Variants in FBXO32 observed in about 807,000 individuals in gnomAD.
FBXO32 encodes F-box only protein 32.
Under a neutral mutation model 48.3 loss-of-function variants are expected in FBXO32, and 15 were observed. That is an observed-to-expected ratio of 0.31 (90% CI 0.21 to 0.48). The LOEUF is 0.48. FBXO32 is among the 20% of genes least tolerant of loss of function. The probability of loss-of-function intolerance (pLI) is 0.99; values close to 1 mark genes in which losing one functional copy is unlikely to be tolerated. For missense variants in FBXO32, 309 were observed against 432.7 expected (o/e 0.71, Z 2.54); for synonymous variants, 154 against 165.9 (o/e 0.93, Z 0.55).
intron 4 of FBXO32, among the ~76,000 whole-genome samples, chr8:123,527,409 C>T (rs534321896): frequency 2.6e-5 from 4 of 152,288 alleles, no homozygotes; most frequent in African/African-American, 9.6e-5. Context: ...CAGTTTTTAT[C>T]TTAATTCCAT....
intron 4 of FBXO32, among the ~76,000 whole-genome samples, chr8:123,528,671 G>A (rs941548290): frequency 1.3e-5 from 2 of 152,080 alleles, no homozygotes; most frequent in African/African-American, 2.4e-5. Context: ...CTAAACATTC[G>A]TGAAATTTTC....
rs376124621 is a variant in FBXO32 at position 123,506,356 on chromosome 8, G to A, written c.834+36C>T. On this transcript the variant is annotated intron_variant, in intron 7 of 8. Transcript: ENST00000517956. The surrounding 1 kb of genome is among the most constrained non-coding windows in gnomAD (Gnocchi z 4.0). ...GAAGTTTGGGGTGAGGGCCAGAGAA[G>A]GAGGGTGGGAGGAAAGCCCACTGGG... is the stretch of plus-strand genomic sequence containing the variant. 7.6e-5 allele frequency: 122 copies of A among 1,607,172 alleles called. No individual in the cohort carries two copies. Among genetic ancestry groups the A allele is most frequent in the Non-Finnish European group, 9.9e-5 (116 of 1,177,184 alleles).
chr8:123,504,774 T>C lies in FBXO32; in HGVS notation c.835-27A>G, dbSNP rs750699693. On this transcript the variant is annotated intron_variant, in intron 7 of 8. Transcript: ENST00000517956. ...TAAAAAATCAAATGAATAAAGGAAA[T>C]GACAGGAGAGTTTGTCAAGAAGATG... 3.7e-6 allele frequency: 6 copies of C among 1,606,928 alleles called. No homozygotes were observed. In the Admixed American group the frequency reaches 6.7e-5, roughly 18 times the overall value.
chr8:123,520,968 T>G (rs1171393734), intron 4 of FBXO32, among the ~76,000 whole-genome samples: 5 of 152,184 alleles, frequency 3.3e-5, no homozygotes, highest in Non-Finnish European at 5.9e-5. Context: ...CTGCCACATC[T>G]TTACATGCTC....
intron 4 of FBXO32, among the ~76,000 whole-genome samples, chr8:123,516,547 G>T (rs1816843309): frequency 6.6e-6 from 1 of 152,194 alleles, no homozygotes; most frequent in African/African-American, 2.4e-5. Flanking sequence ...GAGGAGAATG[G>T]AAACTTTTGG....
At chr8:123,528,144 C>T (rs1817125941) in intron 4 of FBXO32, among the ~76,000 whole-genome samples, 1 of 152,228 alleles carries the variant, frequency 6.6e-6, no homozygotes, top group Non-Finnish European at 1.5e-5. Context: ...AAATCGGAAG[C>T]TCCAGAGGTG....
rs1180779176 is a variant in FBXO32 at position 123,514,329 on chromosome 8, A to G, written c.377T>C (p.Leu126Ser). Reference sequence around the variant, plus strand: ...GAGCTGTGACTTTGCTATCAGCTCCAACAGCTGAGGATAAAAATAGAAGTT... The same window carrying G: ...GAGCTGTGACTTTGCTATCAGCTCCGACAGCTGAGGATAAAAATAGAAGTT... Reference protein sequence around the residue: ...SRRFNYVVRLLELIAKSQLTS... With the variant: ...SRRFNYVVRLSELIAKSQLTS... Residue 126 changes from leucine (L) to serine (S), a missense_variant, in exon 5 of 9, where the codon TTG (leucine) becomes TCG (serine). Transcript: ENST00000517956. 6.2e-7 allele frequency: 1 copy of G among 1,610,552 alleles called. No homozygotes were observed.
At position 123,540,970 on chromosome 8, in the gene FBXO32, C is replaced by T; in HGVS notation, c.45G>A (p.Trp15Ter). 2 of 1,613,344 alleles carry T rather than the reference C, an allele frequency of 1.2e-6. No individual in the cohort carries two copies. Among genetic ancestry groups the T allele is most frequent in the Non-Finnish European group, 1.7e-6 (2 of 1,179,734 alleles). ...GQDWRSPGQN[W>*]VKTADGWKRF... is the part of the protein sequence containing the mutation. ...GCTTCCAGCCGTCGGCCGTCTTCAC[C>T]CAGTTCTGCCCGGGGGACCGCCAGT... The change falls in exon 1 of 9, where the codon TGG becomes TGA. Residue 15 changes from tryptophan (W) to a stop codon, truncating the protein, a stop_gained. Transcript: ENST00000517956. LOFTEE classifies it high-confidence loss of function. This position sits in a 1 kb window ranked among gnomAD's most constrained non-coding sequence, Gnocchi z 6.4.
chr8:123,523,726 C>T (rs1042000517), intron 4 of FBXO32, among the ~76,000 whole-genome samples: 3 of 152,018 alleles, frequency 2.0e-5, no homozygotes, highest in Non-Finnish European at 4.4e-5. Context: ...AATGGGCACA[C>T]TTTTGATCCA....
At chr8:123,535,827 G>T (rs58310472) in intron 1 of FBXO32, among the ~76,000 whole-genome samples, 53,820 of 146,472 alleles carry the variant, frequency 0.37, 9,934 homozygotes, top group Admixed American at 0.38. Context: ...TAAATTAGGG[G>T]TTTTTTTTTT....
chr8:123,516,278 C>G (rs966677362), intron 4 of FBXO32, among the ~76,000 whole-genome samples: 2 of 152,154 alleles, frequency 1.3e-5, no homozygotes, highest in Non-Finnish European at 2.9e-5. Context: ...CCAGAGAAAA[C>G]TATTAGGCTG....
chr8:123,534,073 G>T (rs10113238), intron 2 of FBXO32, among the ~76,000 whole-genome samples: 1 of 149,396 alleles, frequency 6.7e-6, no homozygotes. Flanking sequence ...GCCTGGGTGA[G>T]AGAGCAAGAC....
chr8:123,504,108 T>C (rs921889327), intron 8 of FBXO32, among the ~76,000 whole-genome samples: 2 of 151,292 alleles, frequency 1.3e-5, no homozygotes, highest in Non-Finnish European at 2.9e-5. Context: ...AAAAATCTAC[T>C]GAACATTTCA....
chr8:123,540,737 G>A lies in FBXO32; in HGVS notation c.116+162C>T, dbSNP rs1471600467. 6.6e-6 allele frequency among the ~76,000 whole-genome samples: 1 copy of A among 152,046 alleles called. No individual in the cohort carries two copies. The highest frequency in any genetic ancestry group is 1.5e-5 in the Non-Finnish European group (1 of 67,990). ...AATTCCCTGTCTCCGGTGGTCCGAA[G>A]ACCTCTGCAGAAATCGGGCCCCGTA... On this transcript the variant is annotated intron_variant, in intron 1 of 8. Coordinates refer to ENST00000517956, the MANE Select transcript of FBXO32 (RefSeq NM_058229.4). The surrounding 1 kb of genome is among the most constrained non-coding windows in gnomAD (Gnocchi z 6.4).
rs543377189 is a variant in FBXO32, at chr8:123,501,457, C to T, written c.*1916G>A. 11 of 152,110 alleles carry T rather than the reference C, an allele frequency of 7.2e-5. No individual in the cohort carries two copies. The East Asian group carries it at 2.1e-3, about 29-fold the overall frequency. The allele number at this position is 152,110 out of a possible 1,614,324, so 9.4% of individuals were successfully genotyped here. A position where few individuals can be genotyped will look rare whatever the true frequency, so the allele number is the denominator to read the frequency against. ...AAGCTCAATCTTACCCAACAAAATC[C>T]TATTCTTTCATATTTAATTTCTCTT... On this transcript the variant is annotated 3_prime_UTR_variant, in exon 9 of 9. Transcript: ENST00000517956.
chr8:123,512,548 T>C (rs1033108826), intron 6 of FBXO32, among the ~76,000 whole-genome samples: 15 of 142,810 alleles, frequency 1.1e-4, no homozygotes, highest in East Asian at 2.3e-4. Flanking sequence ...TTTTTTTTTT[T>C]CTTGTGCCTT....
chr8:123,531,037 T>A (rs1013963409), intron 4 of FBXO32, among the ~76,000 whole-genome samples: 1 of 135,354 alleles, frequency 7.4e-6, no homozygotes, highest in African/African-American at 2.9e-5. Context: ...TGGAGTGCAA[T>A]GGCGCAATCT....
rs1236637266 is a variant in FBXO32, at chr8:123,540,073, A to G, written c.116+826T>C. Reference sequence around the variant, plus strand: ...GACCTCAGGTTTCCCGCCAGACCACAGAGCTCAGGTGAGGCCTCGAATCCA... The same window carrying G: ...GACCTCAGGTTTCCCGCCAGACCACGGAGCTCAGGTGAGGCCTCGAATCCA... On this transcript the variant is annotated intron_variant, in intron 1 of 8. Coordinates refer to ENST00000517956, the MANE Select transcript of FBXO32 (RefSeq NM_058229.4). This position sits in a 1 kb window ranked among gnomAD's most constrained non-coding sequence, Gnocchi z 6.4. 2.0e-5 allele frequency among the ~76,000 whole-genome samples: 3 copies of G among 152,198 alleles called. No individual in the cohort carries two copies. The highest frequency in any genetic ancestry group is 7.2e-5 in the African/African-American group (3 of 41,450).
At chr8:123,511,736 A>G (rs1240769539) in intron 6 of FBXO32, among the ~76,000 whole-genome samples, 2 of 152,152 alleles carry the variant, frequency 1.3e-5, no homozygotes, top group African/African-American at 4.8e-5. Flanking sequence ...TCGGCCTCCC[A>G]AAGTGCTGGG....
Sources: allele counts gnomAD v4.1 joint callset (sites outside exome capture counted in the v4.1 genomes callset), GRCh38; gene constraint gnomAD v4.1.1; non-coding constraint Gnocchi (gnomAD v3.1); transcripts MANE v1.5; gene names NCBI Gene and HGNC (gene_info 2026-07-23, HGNC 2026-07-21).